Variants in FGF12 observed in about 807,000 individuals in gnomAD.
FGF12 encodes fibroblast growth factor 12B.
FGF12 carries 14 observed loss-of-function variants against 23.6 expected under a neutral mutation model. That is an observed-to-expected ratio of 0.59 (90% CI 0.39 to 0.93). FGF12 has a LOEUF of 0.93. FGF12 is among the 40% of genes least tolerant of loss of function. The pLI is 0.00. For synonymous variants in FGF12, 62 were observed against 77.3 expected (o/e 0.80, Z 1.04); for missense variants, 175 against 217.8 (o/e 0.80, Z 1.24).
intron 4 of FGF12, among the ~76,000 whole-genome samples, chr3:192,283,664 C>T (rs929199493): frequency 1.1e-4 from 17 of 152,002 alleles, no homozygotes; most frequent in Admixed American, 2.6e-4. Context: ...TTCAGTCACT[C>T]CTCCTACATC....
intron 2 of FGF12, among the ~76,000 whole-genome samples, chr3:192,545,574 G>A (rs1009621760): frequency 7.9e-5 from 12 of 152,158 alleles, no homozygotes; most frequent in African/African-American, 2.4e-4. Flanking sequence ...CCCCTATCCC[G>A]AGGCGAGTGA....
intron 2 of FGF12, among the ~76,000 whole-genome samples, chr3:192,456,612 T>A (rs1283298312): frequency 6.6e-6 from 1 of 152,166 alleles, no homozygotes; most frequent in African/African-American, 2.4e-5. Context: ...TCCACAAAAA[T>A]TTTTAAAAAT....
At chr3:192,522,006 G>T (rs921536082) in intron 2 of FGF12, among the ~76,000 whole-genome samples, 4 of 152,094 alleles carry the variant, frequency 2.6e-5, no homozygotes, top group Admixed American at 2.6e-4. Context: ...AGACCATCCT[G>T]GCTAACACAG....
At chr3:192,537,950 C>CTTTTTTTTTT (rs370317111) in intron 2 of FGF12, among the ~76,000 whole-genome samples, 3 of 121,372 alleles carry the variant, frequency 2.5e-5, no homozygotes, top group African/African-American at 5.9e-5. Flanking sequence ...AGCCTTTAAC[C>CTTTTTTTTTT]TTTTTTTTTT....
intron 2 of FGF12, among the ~76,000 whole-genome samples, chr3:192,587,866 AAG>A (rs1281075951): frequency 1.3e-5 from 2 of 151,866 alleles, no homozygotes; most frequent in African/African-American, 4.8e-5. Flanking sequence ...TGTGAGGAAA[AAG>A]AATTTCTAAT....
rs947055516 is a variant in FGF12 at position 192,658,707 on chromosome 3, G to A, written c.13+68474C>T. The stretch of plus-strand genomic sequence containing the variant: ...ATTTATTTGTCCAGTGCAATAATTA[G>A]TATGAAATTACCACTGCACTTAAGA... On this transcript the variant is annotated intron_variant, in intron 2 of 5. Transcript: ENST00000445105. 3.3e-5 allele frequency among the ~76,000 whole-genome samples: 5 copies of A among 151,522 alleles called. 1 individual carries two copies. Among genetic ancestry groups the A allele is most frequent in the African/African-American group, 1.2e-4 (5 of 41,144 alleles).
At chr3:192,530,883 C>T (rs1465650051) in intron 2 of FGF12, among the ~76,000 whole-genome samples, 1 of 152,104 alleles carries the variant, frequency 6.6e-6, no homozygotes, top group Non-Finnish European at 1.5e-5. Context: ...GGAGCAATCT[C>T]AGCTCACTGC....
chr3:192,514,897 G>A lies in FGF12; in HGVS notation c.14-154359C>T. 3.0e-6 allele frequency: 3 copies of A among 985,144 alleles called. No individual in the cohort carries two copies. Among genetic ancestry groups the A allele is most frequent in the Non-Finnish European group, 3.6e-6 (3 of 829,734 alleles). The allele number at this position is 985,144 out of a possible 1,614,324, so 61.0% of individuals were successfully genotyped here. On this transcript the variant is annotated intron_variant, in intron 2 of 5. Transcript: ENST00000445105. This position sits in a 1 kb window ranked among gnomAD's most constrained non-coding sequence, Gnocchi z 4.9. ...GGAGGGGAGTTTGCACATGGAGCCG[G>A]AGGGAGCCCGGGCGCCGGCAGGGGG...
chr3:192,712,174 A>T (rs567025550), intron 2 of FGF12, among the ~76,000 whole-genome samples: 2 of 151,852 alleles, frequency 1.3e-5, no homozygotes, highest in African/African-American at 2.4e-5. Flanking sequence ...AAGACAAAAG[A>T]GGTAGAGAAC....
chr3:192,252,489 AAAAAG>A (rs1712093886), intron 4 of FGF12, among the ~76,000 whole-genome samples: 1 of 147,174 alleles, frequency 6.8e-6, no homozygotes, highest in African/African-American at 2.5e-5. Flanking sequence ...AAAAAAAAAA[AAAAAG>A]AAAAGAGAAG....
At chr3:192,643,761 T>A (rs1715891588) in intron 2 of FGF12, among the ~76,000 whole-genome samples, 2 of 152,214 alleles carry the variant, frequency 1.3e-5, no homozygotes, top group Non-Finnish European at 2.9e-5. Flanking sequence ...ATACATTTTT[T>A]AAACCACAGA....
intron 2 of FGF12, among the ~76,000 whole-genome samples, chr3:192,390,778 T>C (rs1720255207): frequency 6.6e-6 from 1 of 152,094 alleles, no homozygotes; most frequent in East Asian, 1.9e-4. Flanking sequence ...CAAAGATAAG[T>C]GGGGTCCCCA....
chr3:192,485,167 G>C (rs1183526581), intron 2 of FGF12, among the ~76,000 whole-genome samples: 1 of 152,058 alleles, frequency 6.6e-6, no homozygotes, highest in Admixed American at 6.6e-5. Flanking sequence ...GCATAAGTAT[G>C]TTTATCTATT....
intron 2 of FGF12, among the ~76,000 whole-genome samples, chr3:192,447,905 C>T (rs78981304): frequency 0.032 from 4,931 of 152,282 alleles, 119 homozygotes; most frequent in Non-Finnish European, 0.051. Context: ...CAGGCAATAC[C>T]CCCAAAGGTA....
intron 2 of FGF12, among the ~76,000 whole-genome samples, chr3:192,686,221 A>G (rs986766744): frequency 6.6e-6 from 1 of 152,242 alleles, no homozygotes; most frequent in African/African-American, 2.4e-5. Context: ...AGGTGACAGC[A>G]TCTAGGGGAA....
intron 2 of FGF12, among the ~76,000 whole-genome samples, chr3:192,611,109 T>G (rs142824866): frequency 2.0e-5 from 3 of 152,174 alleles, no homozygotes; most frequent in Non-Finnish European, 4.4e-5. Flanking sequence ...TCATTACATA[T>G]TAATCACTTA....
intron 4 of FGF12, among the ~76,000 whole-genome samples, chr3:192,302,007 C>G (rs1715376661): frequency 1.3e-5 from 2 of 152,166 alleles, no homozygotes; most frequent in African/African-American, 4.8e-5. Context: ...ATAAGAGAAA[C>G]CCTATTTCAT....
At chr3:192,393,829 A>G (rs535613093) in intron 2 of FGF12, among the ~76,000 whole-genome samples, 3 of 152,326 alleles carry the variant, frequency 2.0e-5, no homozygotes, top group Admixed American at 6.5e-5. Flanking sequence ...TGATGATTCT[A>G]AGAGAATGTC....
intron 4 of FGF12, among the ~76,000 whole-genome samples, chr3:192,284,954 G>A (rs530522764): frequency 6.6e-6 from 1 of 152,124 alleles, no homozygotes; most frequent in African/African-American, 2.4e-5. Flanking sequence ...TTTACAACAA[G>A]CTGATTGGAC....
Sources: allele counts gnomAD v4.1 joint callset (sites outside exome capture counted in the v4.1 genomes callset), GRCh38; gene constraint gnomAD v4.1.1; non-coding constraint Gnocchi (gnomAD v3.1); transcripts MANE v1.5; gene names NCBI Gene and HGNC (gene_info 2026-07-23, HGNC 2026-07-21).